MTA3: variants seen among roughly 807,000 people sequenced by gnomAD.
MTA3 encodes metastasis-associated protein MTA3.
Under a neutral mutation model 83.5 loss-of-function variants are expected in MTA3, and 34 were observed. The observed-to-expected ratio is 0.41, with a 90% CI of 0.31 to 0.54. The LOEUF is 0.54. Among genes scored for constraint, MTA3 ranks in the 20% least tolerant of loss-of-function variants. MTA3 has a pLI of 0.33. For synonymous variants in MTA3, 303 were observed against 252.7 expected (o/e 1.20, Z -1.89); for missense variants, 761 against 726.4 (o/e 1.05, Z -0.55).
intron 2 of MTA3, among the ~76,000 whole-genome samples, chr2:42,544,550 TTTC>T (rs1461593008): frequency 7.2e-4 from 109 of 151,078 alleles, no homozygotes; most frequent in African/African-American, 2.4e-3. Flanking sequence ...TTTTTTTTTT[TTTC>T]TTTGAGACAG....
chr2:42,640,122 A>C lies in MTA3; in HGVS notation c.318-51A>C. Reference sequence around the variant, plus strand: ...CTTAACTTTGTATTTCTCATCACTGAGAAGGTGAGGTGGCCTTTGTTACAT... The same window carrying C: ...CTTAACTTTGTATTTCTCATCACTGCGAAGGTGAGGTGGCCTTTGTTACAT... On this transcript the variant is annotated intron_variant, in intron 4 of 16. Coordinates refer to ENST00000405094, the MANE Select transcript of MTA3 (RefSeq NM_001330442.2). 3.1e-6 allele frequency: 4 copies of C among 1,305,062 alleles called. No individual in the cohort carries two copies. In the South Asian group the frequency reaches 5.2e-5, roughly 17 times the overall value. The allele number at this position is 1,305,062 out of a possible 1,614,324, so 80.8% of individuals were successfully genotyped here. A position where few individuals can be genotyped will look rare whatever the true frequency, so the allele number is the denominator to read the frequency against.
intron 2 of MTA3, among the ~76,000 whole-genome samples, chr2:42,509,252 A>G (rs1674787538): frequency 6.6e-6 from 1 of 152,126 alleles, no homozygotes; most frequent in African/African-American, 2.4e-5. Flanking sequence ...CATGTTGACC[A>G]GGCTGGTCTT....
intron 12 of MTA3, among the ~76,000 whole-genome samples, chr2:42,705,914 A>G (rs1054550247): frequency 6.6e-6 from 1 of 152,176 alleles, no homozygotes; most frequent in African/African-American, 2.4e-5. Context: ...ATAGAACTTG[A>G]TGTTTTCTAT....
At chr2:42,647,171 A>AAAAAAAAAAAC (rs1380197026) in intron 6 of MTA3, among the ~76,000 whole-genome samples, 2 of 151,108 alleles carry the variant, frequency 1.3e-5, no homozygotes, top group African/African-American at 4.9e-5. Flanking sequence ...AAAAAAACAA[A>AAAAAAAAAAAC]AAAGAAAGGA....
At position 42,568,672 on chromosome 2, in the gene MTA3, C is replaced by G; in HGVS notation, c.-74C>G. 4.6e-6 allele frequency: 5 copies of G among 1,083,872 alleles called. No individual in the cohort carries two copies. Among genetic ancestry groups the G allele is most frequent in the Non-Finnish European group, 5.7e-6 (5 of 884,214 alleles). The allele number at this position is 1,083,872 out of a possible 1,614,324, so 67.1% of individuals were successfully genotyped here. ...CGACGGCGGCGGCGGCAGCGGCGGT[C>G]GCGGCTGAGGCTGAGGAGGAGGCGG... is the stretch of plus-strand genomic sequence containing the variant. On this transcript the variant is annotated 5_prime_UTR_variant, in exon 1 of 17. Transcript: ENST00000405094.
At chr2:42,621,407 G>A (rs1228125103) in intron 4 of MTA3, among the ~76,000 whole-genome samples, 1 of 152,172 alleles carries the variant, frequency 6.6e-6, no homozygotes, top group Non-Finnish European at 1.5e-5. Flanking sequence ...ATTTAACCCT[G>A]AGTGGACACA....
At chr2:42,720,769 A>C (rs905786435) in intron 15 of MTA3, among the ~76,000 whole-genome samples, 2 of 151,840 alleles carry the variant, frequency 1.3e-5, no homozygotes, top group Non-Finnish European at 1.5e-5. Context: ...GTAACATAGC[A>C]AAACCCTGTC....
At chr2:42,717,825 G>A (rs780978779) in intron 14 of MTA3, among the ~76,000 whole-genome samples, 1 of 152,240 alleles carries the variant, frequency 6.6e-6, no homozygotes, top group Non-Finnish European at 1.5e-5. Flanking sequence ...GGATGGCCAA[G>A]TATGGCCCAT....
intron 2 of MTA3, among the ~76,000 whole-genome samples, chr2:42,556,190 T>C (rs1677383435): frequency 6.6e-6 from 1 of 151,748 alleles, no homozygotes; most frequent in Non-Finnish European, 1.5e-5. Context: ...ACTGTTTGGG[T>C]GTCTCCCAGT....
Position 42,562,526 on chromosome 2 carries a change from T to C in MTA3, c.-140-7911T>C, listed in dbSNP as rs564565513. The stretch of plus-strand genomic sequence containing the variant: ...ATTTTTCTAGCTAGTCCTAGTGAGA[T>C]GGTCAGCACAGGCCATTCCCCCTTG... On this transcript the variant is annotated intron_variant, in intron 2 of 17. Coordinates refer to the MTA3 transcript ENST00000405592. Among the ~76,000 whole-genome samples the C allele has an allele frequency of 2.0e-5, 3 of 152,316 alleles. No homozygotes were observed. In the South Asian group the frequency reaches 6.2e-4, roughly 32 times the overall value.
At chr2:42,610,846 C>G (rs974945973) in intron 4 of MTA3, among the ~76,000 whole-genome samples, 2 of 152,238 alleles carry the variant, frequency 1.3e-5, no homozygotes, top group Admixed American at 6.6e-5. Flanking sequence ...CAGTGTTTCA[C>G]TCCTCTTAGG....
At chr2:42,526,314 C>A (rs970145767) in intron 2 of MTA3, among the ~76,000 whole-genome samples, 3 of 152,230 alleles carry the variant, frequency 2.0e-5, no homozygotes, top group Non-Finnish European at 4.4e-5. Flanking sequence ...AGACTCCCAT[C>A]TCAGCCTCCT....
At chr2:42,616,572 C>CTTCTGTTTTTTT (rs371119345) in intron 4 of MTA3, among the ~76,000 whole-genome samples, 1 of 56,212 alleles carries the variant, frequency 1.8e-5, no homozygotes, top group African/African-American at 7.4e-5. Context: ...TCTTCTTCTT[C>CTTCTGTTTTTTT]TTTTTTTTTT....
Position 42,628,982 on chromosome 2 carries a change from G to T in MTA3, c.318-11191G>T, listed in dbSNP as rs956098085. 2.0e-5 allele frequency among the ~76,000 whole-genome samples: 3 copies of T among 152,188 alleles called. No homozygotes were observed. In the South Asian group the frequency reaches 6.2e-4, roughly 32 times the overall value. On this transcript the variant is annotated intron_variant, in intron 4 of 16. Coordinates refer to ENST00000405094, the MANE Select transcript of MTA3 (RefSeq NM_001330442.2). The stretch of plus-strand genomic sequence containing the variant: ...GGGAGTAGATTGGAATAGATTGCCA[G>T]AGTGAATTTATATATTGCTGTGTTT...
At chr2:42,575,265 A>G (rs1328240747) in intron 2 of MTA3, among the ~76,000 whole-genome samples, 1 of 152,100 alleles carries the variant, frequency 6.6e-6, no homozygotes, top group Non-Finnish European at 1.5e-5. Flanking sequence ...TATCACCTCC[A>G]AATATACTTA....
At chr2:42,683,827 C>T (rs1033974129) in intron 9 of MTA3, among the ~76,000 whole-genome samples, 2 of 152,158 alleles carry the variant, frequency 1.3e-5, no homozygotes, top group East Asian at 1.9e-4. Context: ...AAGCTTCGCT[C>T]GCTTGTCCAT....
At chr2:42,528,820 CAAG>C (rs1474166380) in intron 2 of MTA3, among the ~76,000 whole-genome samples, 1 of 152,192 alleles carries the variant, frequency 6.6e-6, no homozygotes, top group East Asian at 1.9e-4. Context: ...ACCCCCAGAA[CAAG>C]AAGAGGTACA....
chr2:42,575,078 G>T (rs182712812), intron 2 of MTA3, among the ~76,000 whole-genome samples: 1 of 152,108 alleles, frequency 6.6e-6, no homozygotes, highest in African/African-American at 2.4e-5. Context: ...ATATTCTTTG[G>T]CTGTCACTGC....
At chr2:42,598,311 C>T (rs1480170305) in intron 3 of MTA3, among the ~76,000 whole-genome samples, 3 of 151,958 alleles carry the variant, frequency 2.0e-5, no homozygotes, top group African/African-American at 7.3e-5. Context: ...GTGATCCACC[C>T]GCCTCGGCCT....
Sources: allele counts gnomAD v4.1 joint callset (sites outside exome capture counted in the v4.1 genomes callset), GRCh38; gene constraint gnomAD v4.1.1; transcripts MANE v1.5; gene names NCBI Gene and HGNC (gene_info 2026-07-23, HGNC 2026-07-21).